The following TCEA3 variants were observed in gnomAD, a reference collection of about 807,000 sequenced individuals.
TCEA3 encodes transcription elongation factor A3.
TCEA3 carries 36 observed loss-of-function variants against 44.0 expected under a neutral mutation model. That is an observed-to-expected ratio of 0.82 (90% CI 0.63 to 1.08). The LOEUF is 1.08. Ranked by LOEUF, TCEA3 falls within the 50% of genes least tolerant of loss-of-function variation. TCEA3 has a pLI of 0.00. For synonymous variants in TCEA3, 162 were observed against 159.7 expected, an observed-to-expected ratio of 1.01 and a Z score of -0.11; for missense variants, 392 against 441.2, an observed-to-expected ratio of 0.89 and a Z score of 1.00.
chr1:23,411,999 T>C (rs1418129362), intron 4 of TCEA3: 1 of 152,238 alleles, frequency 6.6e-6, no homozygotes, highest in East Asian at 1.9e-4. Context: ...TTTGCTAAAA[T>C]GCTCAGCTGT....
At chr1:23,384,165 G>A (rs2148541125) in intron 10 of TCEA3, 181 bp downstream of exon 10, 2 of 1,426,972 alleles carry the variant, frequency 1.4e-6, no homozygotes, top group South Asian at 3.2e-5. Flanking sequence ...ACATGCATGT[G>A]TGTTCTCTCC....
intron 4 of TCEA3, among the ~76,000 whole-genome samples, chr1:23,410,199 G>A (rs527335246): frequency 6.6e-6 from 1 of 152,042 alleles, no homozygotes; most frequent in South Asian, 2.1e-4. Flanking sequence ...TTCTTCTGTG[G>A]GGCTTCTCCC....
intron 4 of TCEA3, among the ~76,000 whole-genome samples, chr1:23,413,475 C>T (rs139925590): frequency 0.01 from 1,589 of 152,012 alleles, 31 homozygotes; most frequent in African/African-American, 0.036. Flanking sequence ...GCTCTGTCAT[C>T]CAGGCTGGAG....
intron 8 of TCEA3, among the ~76,000 whole-genome samples, chr1:23,389,212 G>A (rs896176075): frequency 2.6e-5 from 4 of 152,310 alleles, no homozygotes; most frequent in Middle Eastern, 3.4e-3. Flanking sequence ...ATGTGGCCAG[G>A]TGCAGTGGCT....
intron 9 of TCEA3, among the ~76,000 whole-genome samples, 177 bp from the exon 10 acceptor site, chr1:23,384,594 C>T (rs899960529): frequency 1.3e-5 from 2 of 151,912 alleles, no homozygotes; most frequent in Admixed American, 1.3e-4. Context: ...CTTTCCTCTC[C>T]TCTGGCAGGC....
chr1:23,393,305 T>C (rs1639116901), intron 8 of TCEA3, among the ~76,000 whole-genome samples: 1 of 151,998 alleles, frequency 6.6e-6, no homozygotes, highest in Non-Finnish European at 1.5e-5. Flanking sequence ...TCCCAACAGG[T>C]ACCAGCTGGT....
chr1:23,421,482 G>A (rs908192728), intron 1 of TCEA3, among the ~76,000 whole-genome samples: 1 of 140,474 alleles, frequency 7.1e-6, no homozygotes, highest in Non-Finnish European at 1.6e-5. Flanking sequence ...GCTGGCCAAC[G>A]TTTAACAACC....
At chr1:23,399,318 C>A (rs1265308541) in intron 5 of TCEA3, among the ~76,000 whole-genome samples, 1 of 151,652 alleles carries the variant, frequency 6.6e-6, no homozygotes. Context: ...AAGTTGCTGG[C>A]CAATTTGCTT....
At chr1:23,419,275 GGA>G in intron 1 of TCEA3, 136 bp from the exon 2 acceptor site, 1 of 580,970 alleles carries the variant, frequency 1.7e-6, no homozygotes. Flanking sequence ...GCAGAAGGAA[GGA>G]GAGAGACGAG....
At chr1:23,421,268 T>A (rs1640057604) in intron 1 of TCEA3, among the ~76,000 whole-genome samples, 1 of 152,216 alleles carries the variant, frequency 6.6e-6, no homozygotes. Context: ...ACAGAATTAT[T>A]ATCCTGTGTT....
At chr1:23,397,727 T>C (rs1158651955) in intron 6 of TCEA3, 65 bp downstream of exon 6, 3 of 1,610,708 alleles carry the variant, frequency 1.9e-6, no homozygotes, top group Non-Finnish European at 2.5e-6. Context: ...GAATTTCATC[T>C]GCCCTCAGTG....
Position 23,387,384 on chromosome 1 carries a change from A to T in TCEA3, c.855T>A (p.Asn285Lys). 6.2e-7 allele frequency: 1 copy of T among 1,610,508 alleles called. No individual in the cohort carries two copies. The highest frequency in any genetic ancestry group is 8.5e-7 in the Non-Finnish European group (1 of 1,178,418). The change falls in exon 9 of 11, where the codon AAT (asparagine) becomes AAA (lysine). Residue 285 changes from asparagine to lysine, a missense_variant. Coordinates refer to ENST00000450454, the MANE Select transcript of TCEA3 (RefSeq NM_003196.3). ...CACGGATGGCCTCCTGGGTCATGGC[A>T]TTCCTCAACTCCCTCAGTTCATCAC... Reference protein sequence around the residue: ...MASDELRELRNAMTQEAIREH... With the variant: ...MASDELRELRKAMTQEAIREH...
chr1:23,407,407 T>G (rs1639573763), intron 5 of TCEA3, among the ~76,000 whole-genome samples: 1 of 151,994 alleles, frequency 6.6e-6, no homozygotes, highest in Admixed American at 6.6e-5. Flanking sequence ...ATTCCCGCCC[T>G]CAGTACCCTC....
chr1:23,403,518 G>A (rs1046477844), intron 5 of TCEA3: 10 of 152,464 alleles, frequency 6.6e-5, no homozygotes, highest in African/African-American at 2.4e-4. Flanking sequence ...CATTTACATG[G>A]TTTGGGAACA....
At chr1:23,384,221 C>A in intron 10 of TCEA3, 125 bp downstream of exon 10, 1 of 1,566,976 alleles carries the variant, frequency 6.4e-7, no homozygotes, top group Non-Finnish European at 8.6e-7. Context: ...CTCTGCAGAC[C>A]TACTCTGTGC....
At position 23,381,206 on chromosome 1, in the gene TCEA3, TGCCCA is replaced by T. The variant is rs1389154657; in HGVS notation, c.*255_*259del. Reference sequence around the variant, plus strand: ...TGCAGATTACAGCCATAAACCACCGTGCCCAGCCCTCTGCAGTTTCTAAAAGAGGT... The same window carrying T: ...TGCAGATTACAGCCATAAACCACCGTGCCCTCTGCAGTTTCTAAAAGAGGT... On this transcript the variant is annotated 3_prime_UTR_variant, in exon 11 of 11. Transcript: ENST00000450454. 2.0e-6 allele frequency: 1 copy of T among 496,096 alleles called. No homozygotes were observed. Among genetic ancestry groups the T allele is most frequent in the Non-Finnish European group, 3.6e-6 (1 of 278,550 alleles). 30.7% of individuals were successfully genotyped at this position (496,096 alleles called of 1,614,324 possible). A position where few individuals can be genotyped will look rare whatever the true frequency, so the allele number is the denominator to read the frequency against.
At chr1:23,405,853 T>C (rs1445477611) in intron 5 of TCEA3, among the ~76,000 whole-genome samples, 1 of 152,190 alleles carries the variant, frequency 6.6e-6, no homozygotes, top group Non-Finnish European at 1.5e-5. Context: ...TAGAATGTCA[T>C]TAGTGACCAG....
Position 23,417,403 on chromosome 1 carries a change from G to C in TCEA3, c.239-13C>G. On this transcript the variant is annotated splice_polypyrimidine_tract_variant and intron_variant, in intron 3 of 10. Transcript: ENST00000450454. ...GGTCCAGGGGAGTCTGAAAACAAAA[G>C]GGTGGCATTGTCCCTCAGCTAAGCT... The C allele has an allele frequency of 3.7e-6, 6 of 1,611,180 alleles. No homozygotes were observed. Among genetic ancestry groups the C allele is most frequent in the Non-Finnish European group, 5.1e-6 (6 of 1,179,146 alleles).
At chr1:23,416,439 A>G (rs1416962928) in intron 4 of TCEA3, among the ~76,000 whole-genome samples, 1 of 152,198 alleles carries the variant, frequency 6.6e-6, no homozygotes, top group Non-Finnish European at 1.5e-5. Flanking sequence ...TAAAATTTTT[A>G]TTGTATAATA....
Sources: allele counts gnomAD v4.1 joint callset (sites outside exome capture counted in the v4.1 genomes callset), GRCh38; gene constraint gnomAD v4.1.1; transcripts MANE v1.5; gene names NCBI Gene and HGNC (gene_info 2026-07-23, HGNC 2026-07-21).